Variants in STX8 observed in about 807,000 individuals in gnomAD.
The protein encoded by STX8 is syntaxin 8, also known as syntaxin-8.
In STX8, 23 loss-of-function variants were observed where a neutral mutation model predicts 37.5. That is an observed-to-expected ratio of 0.61 (90% CI 0.44 to 0.87). The LOEUF is 0.87. Among genes scored for constraint, STX8 ranks in the 40% least tolerant of loss-of-function variants. STX8 has a pLI of 0.00. For synonymous variants in STX8, 115 were observed against 99.1 expected (o/e 1.16, Z -0.95); for missense variants, 313 against 284.7 (o/e 1.10, Z -0.71).
intron 7 of STX8, among the ~76,000 whole-genome samples, chr17:9,337,747 G>A (rs1241113105): frequency 6.6e-6 from 1 of 152,172 alleles, no homozygotes; most frequent in Non-Finnish European, 1.5e-5. Context: ...CAACCCTGAA[G>A]GACTGAAAAG....
intron 7 of STX8, among the ~76,000 whole-genome samples, chr17:9,362,186 C>T (rs1450279854): frequency 6.6e-6 from 1 of 151,800 alleles, no homozygotes; most frequent in African/African-American, 2.4e-5. Flanking sequence ...CAAAAATTAG[C>T]CGGGGTGTTG....
chr17:9,310,042 G>A (rs1312993581), intron 7 of STX8, among the ~76,000 whole-genome samples: 2 of 151,858 alleles, frequency 1.3e-5, no homozygotes, highest in Admixed American at 6.6e-5. Context: ...TTGACGAACA[G>A]CCTGAAATGA....
chr17:9,506,411 CCCCCCCCCCA>C (rs1567590177), intron 4 of STX8, among the ~76,000 whole-genome samples: 5 of 65,290 alleles, frequency 7.7e-5, no homozygotes, highest in African/African-American at 2.6e-4. Context: ...ACCCGCTCCC[CCCCCCCCCCA>C]CCCACCTTTC....
In STX8 at chr17:9,274,775, G is replaced by A. The variant is rs113242807; in HGVS notation, c.644-24130C>T. The stretch of plus-strand genomic sequence containing the variant: ...TCTTTTTTTTTTTTTTTTTTGAGAC[G>A]GAGTCTCGCTCTGTCACCAGGCTGG... On this transcript the variant is annotated intron_variant, in intron 7 of 7. Coordinates refer to ENST00000306357, the MANE Select transcript of STX8 (RefSeq NM_004853.3). Among the ~76,000 whole-genome samples, 557 of 90,654 alleles carry A rather than the reference G, an allele frequency of 6.1e-3. 9 individuals carry two copies. The highest frequency in any genetic ancestry group is 0.024 in the Middle Eastern group (2 of 82). 59.5% of individuals were successfully genotyped at this position (90,654 alleles called of 152,430 possible).
intron 6 of STX8, among the ~76,000 whole-genome samples, chr17:9,426,936 T>C (rs556281532): frequency 6.6e-6 from 1 of 152,248 alleles, no homozygotes; most frequent in South Asian, 2.1e-4. Flanking sequence ...GTATTACCAG[T>C]GTATCTCTTA....
At chr17:9,558,766 T>C (rs1346467644) in intron 2 of STX8, among the ~76,000 whole-genome samples, 1 of 149,482 alleles carries the variant, frequency 6.7e-6, no homozygotes, top group African/African-American at 2.5e-5. Context: ...GAGCTTGCAG[T>C]GAGCCGAGAT....
chr17:9,378,606 G>C lies in STX8; in HGVS notation c.589C>G (p.Leu197Val). 1 of 1,613,854 alleles carries C rather than the reference G, an allele frequency of 6.2e-7. No individual in the cohort carries two copies. Among genetic ancestry groups the C allele is most frequent in the Non-Finnish European group, 8.5e-7 (1 of 1,179,842 alleles). Residue 197 changes from leucine (L) to valine (V), a missense_variant, in exon 7 of 8, where the codon CTT becomes GTT. Transcript: ENST00000306357. ...TTTACCCGCCTGGTTTCATTGCGAA[G>C]TTTTTCATCTGTGTTCTCCACTAGG... Reference protein sequence around the residue: ...ANLVENTDEKLRNETRRVNMV... With the variant: ...ANLVENTDEKVRNETRRVNMV...
intron 6 of STX8, among the ~76,000 whole-genome samples, chr17:9,471,058 A>C (rs1597693253): frequency 6.4e-5 from 2 of 31,308 alleles, no homozygotes; most frequent in African/African-American, 2.3e-4. Flanking sequence ...TTTTTTTGAC[A>C]GAGTCTTACT....
chr17:9,354,318 C>CTTTTTT (rs35460018), intron 7 of STX8, among the ~76,000 whole-genome samples: 12 of 119,754 alleles, frequency 1.0e-4, no homozygotes, highest in African/African-American at 3.9e-4. Flanking sequence ...AATTGTCTCA[C>CTTTTTT]TTTTTTTTTT....
At chr17:9,395,652 T>C (rs1259601785) in intron 6 of STX8, among the ~76,000 whole-genome samples, 1 of 152,216 alleles carries the variant, frequency 6.6e-6, no homozygotes, top group African/African-American at 2.4e-5. Context: ...TTTGTCCTGC[T>C]GTTCTTTATG....
At chr17:9,550,637 T>C (rs1399542561) in intron 3 of STX8, among the ~76,000 whole-genome samples, 2 of 152,174 alleles carry the variant, frequency 1.3e-5, no homozygotes, top group South Asian at 2.1e-4. Flanking sequence ...TGATACCTAC[T>C]ACCAGCATGC....
At chr17:9,506,465 A>G (rs958620127) in intron 4 of STX8, among the ~76,000 whole-genome samples, 2 of 137,076 alleles carry the variant, frequency 1.5e-5, no homozygotes, top group Non-Finnish European at 3.0e-5. Context: ...ATAAACAGCT[A>G]AGATTTGACT....
chr17:9,332,323 C>A (rs1159920234), intron 7 of STX8, among the ~76,000 whole-genome samples: 1 of 152,118 alleles, frequency 6.6e-6, no homozygotes, highest in African/African-American at 2.4e-5. Flanking sequence ...CATCATTTCC[C>A]CCTCATCCAA....
At chr17:9,324,864 G>A (rs78315227) in intron 7 of STX8, among the ~76,000 whole-genome samples, 7,254 of 151,936 alleles carry the variant, frequency 0.048, 557 homozygotes, top group African/African-American at 0.16. Flanking sequence ...GATACGAATG[G>A]TCCCTGACCA....
chr17:9,250,729 G>A (rs1386689058), intron 7 of STX8, 84 bp from the exon 8 acceptor site: 2 of 1,381,164 alleles, frequency 1.4e-6, no homozygotes, highest in South Asian at 1.2e-5. Context: ...CAGAGACTCA[G>A]AGGGATGTAG....
At chr17:9,386,553 C>CAGGG (rs1468978559) in intron 6 of STX8, among the ~76,000 whole-genome samples, 2 of 151,940 alleles carry the variant, frequency 1.3e-5, no homozygotes, top group Non-Finnish European at 1.5e-5. Flanking sequence ...GGGAGGGAAG[C>CAGGG]AGGGAGGGAG....
chr17:9,332,089 C>T (rs1288095384), intron 7 of STX8, among the ~76,000 whole-genome samples: 1 of 152,156 alleles, frequency 6.6e-6, no homozygotes, highest in Non-Finnish European at 1.5e-5. Flanking sequence ...ATTAGCTGAC[C>T]TTCATTTTGT....
At position 9,387,404 on chromosome 17, in the gene STX8, T is replaced by G. The variant is rs576471986; in HGVS notation, c.542-8751A>C. Among the ~76,000 whole-genome samples, 410 of 152,292 alleles carry G rather than the reference T, an allele frequency of 2.7e-3. 3 individuals are homozygous for G. Among genetic ancestry groups the G allele is most frequent in the African/African-American group, 9.5e-3 (393 of 41,552 alleles). On this transcript the variant is annotated intron_variant, in intron 6 of 7. Coordinates refer to ENST00000306357, the MANE Select transcript of STX8 (RefSeq NM_004853.3). The stretch of plus-strand genomic sequence containing the variant: ...TCCGCCTCCCGGGTTCACGCCATTC[T>G]CCTGCCTCAGCCTCCCGAGTAATGG...
At chr17:9,570,587 A>G (rs1033437621) in intron 1 of STX8, among the ~76,000 whole-genome samples, 3 of 151,952 alleles carry the variant, frequency 2.0e-5, no homozygotes, top group Non-Finnish European at 4.4e-5. Flanking sequence ...GCAGTGATAC[A>G]AGAAAACACA....
Sources: gnomAD v4.1 joint callset for allele counts (sites outside exome capture counted in the v4.1 genomes callset) on GRCh38, gnomAD v4.1.1 for gene constraint, MANE v1.5 for transcripts, NCBI Gene and HGNC (gene_info 2026-07-23, HGNC 2026-07-21) for gene names.